Variants in NBEA observed in about 807,000 individuals in gnomAD.
The protein encoded by NBEA is lysosomal-trafficking regulator 2.
In NBEA, 44 loss-of-function variants were observed where a neutral mutation model predicts 343.4. That is an observed-to-expected ratio of 0.13 (90% CI 0.10 to 0.16). The LOEUF (loss-of-function observed/expected upper bound fraction) is 0.16. Among genes scored for constraint, NBEA ranks in the 10% least tolerant of loss-of-function variants. The probability of loss-of-function intolerance (pLI) is 1.00; values close to 1 mark genes in which losing one functional copy is unlikely to be tolerated. For missense variants in NBEA, 2,555 were observed against 3,631.3 expected (o/e 0.70, Z 7.62); for synonymous variants, 1,175 against 1,238.7 (o/e 0.95, Z 1.08).
At chr13:35,511,743 T>C (rs74042316) in intron 41 of NBEA, among the ~76,000 whole-genome samples, 5,887 of 152,320 alleles carry the variant, frequency 0.039, 154 homozygotes, top group African/African-American at 0.076. Context: ...TATAATGTTT[T>C]AATTTTTTAA....
chr13:35,428,938 C>T (rs1186248065), intron 38 of NBEA, among the ~76,000 whole-genome samples: 1 of 152,152 alleles, frequency 6.6e-6, no homozygotes, highest in African/African-American at 2.4e-5. Flanking sequence ...CACTTGGCCT[C>T]CATTGAAACC....
At chr13:34,947,439 A>T (rs2059218833) in intron 1 of NBEA, among the ~76,000 whole-genome samples, 1 of 152,184 alleles carries the variant, frequency 6.6e-6, no homozygotes, top group Non-Finnish European at 1.5e-5. Context: ...TAACAGACCC[A>T]GTGCCCGTTT....
At chr13:35,632,621 C>G (rs1027442236) in intron 49 of NBEA, among the ~76,000 whole-genome samples, 1 of 150,768 alleles carries the variant, frequency 6.6e-6, no homozygotes, top group African/African-American at 2.4e-5. Context: ...TTTTTTCTTT[C>G]TTTCAGAGAC....
At chr13:35,622,459 G>A (rs917508979) in intron 48 of NBEA, among the ~76,000 whole-genome samples, 2 of 152,208 alleles carry the variant, frequency 1.3e-5, no homozygotes, top group Non-Finnish European at 1.5e-5. Context: ...AGTAACCCAT[G>A]TGGAGAGCTG....
chr13:35,649,516 G>C (rs2084414229), intron 51 of NBEA, 139 bp from the exon 52 acceptor site: 1 of 685,584 alleles, frequency 1.5e-6, no homozygotes, highest in Non-Finnish European at 2.5e-6. Context: ...ACATTCACCA[G>C]TATGAAAGTT....
intron 34 of NBEA, among the ~76,000 whole-genome samples, chr13:35,258,195 A>G (rs2032838340): frequency 1.3e-5 from 2 of 148,804 alleles, no homozygotes; most frequent in South Asian, 2.1e-4. Flanking sequence ...TTTAAACAAC[A>G]TCTCGCTCTG....
At chr13:35,270,927 G>T (rs2034086713) in intron 34 of NBEA, among the ~76,000 whole-genome samples, 1 of 152,200 alleles carries the variant, frequency 6.6e-6, no homozygotes, top group African/African-American at 2.4e-5. Context: ...GAGCATACCT[G>T]AACAAAAGGC....
chr13:35,367,359 TAAG>T (rs967831642), intron 38 of NBEA, among the ~76,000 whole-genome samples: 15 of 151,386 alleles, frequency 9.9e-5, no homozygotes, highest in African/African-American at 3.4e-4. Context: ...TCCATGAAGA[TAAG>T]GTGGATATGT....
chr13:35,318,849 G>A lies in NBEA; in HGVS notation c.5903+9257G>A, dbSNP rs192251372. 7.2e-3 allele frequency among the ~76,000 whole-genome samples: 1,099 copies of A among 152,256 alleles called. 17 individuals carry two copies. The highest frequency in any genetic ancestry group is 0.025 in the African/African-American group (1,054 of 41,534). The stretch of plus-strand genomic sequence containing the variant: ...GTCTTGGGAGGGTGTATGTGTCCAG[G>A]AATTTATCCATTTCTTCTAGATTTT... On this transcript the variant is annotated intron_variant, in intron 36 of 58. Transcript: ENST00000379939.
At chr13:35,637,540 G>A (rs1566442631) in intron 49 of NBEA, among the ~76,000 whole-genome samples, 2 of 152,024 alleles carry the variant, frequency 1.3e-5, no homozygotes, top group African/African-American at 4.8e-5. Context: ...GTCAAAAGTC[G>A]AGGCCAGGCG....
intron 1 of NBEA, among the ~76,000 whole-genome samples, chr13:34,973,284 A>G (rs1190788605): frequency 6.6e-6 from 1 of 152,074 alleles, no homozygotes; most frequent in Non-Finnish European, 1.5e-5. Context: ...ACAGGATTGG[A>G]GACCTGCTAA....
At chr13:35,362,903 G>A (rs990303116) in intron 38 of NBEA, among the ~76,000 whole-genome samples, 3 of 151,960 alleles carry the variant, frequency 2.0e-5, no homozygotes, top group Non-Finnish European at 4.4e-5. Flanking sequence ...CATAAGGTAA[G>A]CACTAAAACA....
Position 35,006,734 on chromosome 13 carries a change from C to T in NBEA, c.295-34199C>T, listed in dbSNP as rs568118409. Among the ~76,000 whole-genome samples the T allele has an allele frequency of 3.3e-5, 5 of 152,238 alleles. No homozygotes were observed. The East Asian group carries it at 9.7e-4, about 29-fold the overall frequency. On this transcript the variant is annotated intron_variant, in intron 1 of 58. Transcript: ENST00000379939. Reference sequence around the variant, plus strand: ...TTCCTAGATATAGAATAACAGTTGGCAGTTATTTTCTTTCCTAGGTTTTTA... The same window carrying T: ...TTCCTAGATATAGAATAACAGTTGGTAGTTATTTTCTTTCCTAGGTTTTTA...
At chr13:35,163,411 T>C (rs1037934533) in intron 23 of NBEA, among the ~76,000 whole-genome samples, 39 of 151,988 alleles carry the variant, frequency 2.6e-4, no homozygotes, top group Non-Finnish European at 5.4e-4. Flanking sequence ...CCCAGCACTT[T>C]GGGAGGCCAA....
chr13:35,379,632 C>T (rs1286780858), intron 38 of NBEA, among the ~76,000 whole-genome samples: 6 of 150,564 alleles, frequency 4.0e-5, no homozygotes, highest in Non-Finnish European at 1.5e-5. Flanking sequence ...CTTCCAAAAG[C>T]TTTCTTGCTT....
intron 6 of NBEA, among the ~76,000 whole-genome samples, chr13:35,053,582 A>G (rs2063141736): frequency 6.6e-6 from 1 of 151,942 alleles, no homozygotes; most frequent in Non-Finnish European, 1.5e-5. Context: ...AACTTCCTTG[A>G]GTGTGTATAT....
intron 34 of NBEA, among the ~76,000 whole-genome samples, chr13:35,243,254 A>G (rs1363619764): frequency 1.2e-4 from 18 of 151,940 alleles, no homozygotes; most frequent in Admixed American, 1.2e-3. Context: ...CATGATAACC[A>G]CAAAGAAAAT....
chr13:35,206,791 A>G (rs1345676987), intron 31 of NBEA, among the ~76,000 whole-genome samples: 1 of 152,152 alleles, frequency 6.6e-6, no homozygotes, highest in Non-Finnish European at 1.5e-5. Flanking sequence ...AAAAAATGTA[A>G]GATCATACAG....
chr13:35,206,620 A>G (rs1400787266), intron 31 of NBEA, among the ~76,000 whole-genome samples: 1 of 150,050 alleles, frequency 6.7e-6, no homozygotes, highest in African/African-American at 2.5e-5. Context: ...TAGATGCCTT[A>G]TATCTCATAG....
Sources: allele counts gnomAD v4.1 joint callset (sites outside exome capture counted in the v4.1 genomes callset), GRCh38; gene constraint gnomAD v4.1.1; transcripts MANE v1.5; gene names NCBI Gene and HGNC (gene_info 2026-07-23, HGNC 2026-07-21).